Variants in GPHN observed in about 807,000 individuals in gnomAD.
GPHN encodes gephyrin.
Under a neutral mutation model 95.5 loss-of-function variants are expected in GPHN, and 17 were observed. That is an observed-to-expected ratio of 0.18 (90% CI 0.12 to 0.27). GPHN has a LOEUF of 0.27. GPHN is among the 10% of genes least tolerant of loss of function. GPHN has a pLI of 1.00. For synonymous variants in GPHN, 320 were observed against 322.5 expected (o/e 0.99, Z 0.08); for missense variants, 660 against 978.1 (o/e 0.67, Z 4.34).
intron 4 of GPHN, among the ~76,000 whole-genome samples, chr14:66,871,960 C>T (rs1950689): frequency 0.31 from 47,667 of 151,886 alleles, 11,626 homozygotes; most frequent in African/African-American, 0.66. Context: ...AATTTAAATA[C>T]GTAAAAAAAG....
At chr14:67,006,379 T>G in intron 9 of GPHN, among the ~76,000 whole-genome samples, 1 of 152,158 alleles carries the variant, frequency 6.6e-6, no homozygotes, top group East Asian at 1.9e-4. Context: ...CCTGGAGTCA[T>G]GAAAACCCAG....
At chr14:66,837,614 AAAATAAATAAAT>A (rs202145300) in intron 4 of GPHN, among the ~76,000 whole-genome samples, 1,683 of 144,492 alleles carry the variant, frequency 0.012, 15 homozygotes, top group Non-Finnish European at 0.016. Flanking sequence ...TAAATAAATA[AAAATAAATAAAT>A]AAATAAATAA....
At chr14:66,597,085 T>C (rs1243582085) in intron 1 of GPHN, among the ~76,000 whole-genome samples, 1 of 152,184 alleles carries the variant, frequency 6.6e-6, no homozygotes, top group Non-Finnish European at 1.5e-5. Flanking sequence ...AGTTATGTCT[T>C]CTTAGAGGCC....
chr14:66,653,669 T>G (rs2065165043), intron 1 of GPHN, among the ~76,000 whole-genome samples: 1 of 152,222 alleles, frequency 6.6e-6, no homozygotes, highest in Non-Finnish European at 1.5e-5. Flanking sequence ...GAAACTTATA[T>G]AAGTGGAATC....
intron 17 of GPHN, among the ~76,000 whole-genome samples, chr14:67,137,001 A>G (rs1203338493): frequency 1.3e-5 from 2 of 152,106 alleles, no homozygotes; most frequent in East Asian, 3.9e-4. Flanking sequence ...TACTAAAAAT[A>G]CAAAAAATTG....
chr14:67,396,944 C>CT, the GPHN span, among the ~76,000 whole-genome samples: 34,424 of 139,748 alleles, frequency 0.25, 4,230 homozygotes, highest in African/African-American at 0.52. Flanking sequence ...TATTGGGAGA[C>CT]TTTTTTTTTT....
the GPHN span, among the ~76,000 whole-genome samples, chr14:67,493,613 T>A: frequency 5.3e-5 from 8 of 152,308 alleles, no homozygotes; most frequent in East Asian, 3.9e-4. Context: ...GTCAGTGTGC[T>A]TTGGATGCTG....
the GPHN span, chr14:67,332,858 G>A: frequency 2.5e-6 from 4 of 1,614,088 alleles, no homozygotes; most frequent in East Asian, 2.2e-5. Context: ...TACGGCAATT[G>A]TGAATTCCGA....
chr14:67,646,725 G>A, the GPHN span: 1 of 1,612,286 alleles, frequency 6.2e-7, no homozygotes, highest in Admixed American at 1.7e-5. Context: ...GAGAGACGTG[G>A]ACCCTCCTGA....
chr14:67,323,451 C>T, the GPHN span, among the ~76,000 whole-genome samples: 1 of 151,380 alleles, frequency 6.6e-6, no homozygotes. Context: ...CCTGTCTCTA[C>T]AAAAAAGTAA....
intron 9 of GPHN, among the ~76,000 whole-genome samples, chr14:66,968,581 A>G (rs1251616833): frequency 1.3e-5 from 2 of 152,146 alleles, no homozygotes; most frequent in Non-Finnish European, 1.5e-5. Flanking sequence ...GATCGGTACT[A>G]GAAAGAGCAC....
At chr14:67,689,631 A>G in the GPHN span, among the ~76,000 whole-genome samples, 2 of 152,162 alleles carry the variant, frequency 1.3e-5, no homozygotes, top group Admixed American at 6.6e-5. Context: ...CCATTTACAT[A>G]TGAAGAAGGA....
intron 8 of GPHN, among the ~76,000 whole-genome samples, chr14:66,952,712 T>G (rs1300920413): frequency 6.6e-6 from 1 of 152,184 alleles, no homozygotes; most frequent in African/African-American, 2.4e-5. Flanking sequence ...TTTTTGCTTT[T>G]GAGACAGAGT....
the GPHN span, among the ~76,000 whole-genome samples, chr14:67,609,334 G>A: frequency 4.9e-3 from 742 of 152,246 alleles, 36 homozygotes; most frequent in East Asian, 0.082. Flanking sequence ...AGATGAAGAG[G>A]TACATGGAAG....
At chr14:67,319,468 G>A in the GPHN span, among the ~76,000 whole-genome samples, 1 of 152,192 alleles carries the variant, frequency 6.6e-6, no homozygotes, top group Non-Finnish European at 1.5e-5. Flanking sequence ...AGAAAGTGGA[G>A]ATAGCATGCA....
the GPHN span, chr14:67,383,166 A>G: frequency 1.3e-6 from 1 of 789,464 alleles, no homozygotes; most frequent in Non-Finnish European, 1.9e-6. Flanking sequence ...AATGGAATTT[A>G]TTGCTGATAA....
At chr14:66,677,115 G>A (rs2066647928) in intron 1 of GPHN, among the ~76,000 whole-genome samples, 1 of 151,954 alleles carries the variant, frequency 6.6e-6, no homozygotes, top group Non-Finnish European at 1.5e-5. Flanking sequence ...TTGTATTTCT[G>A]TTGTATCAGT....
chr14:67,581,083 ACTGG>A, the GPHN span: 3 of 1,236,116 alleles, frequency 2.4e-6, no homozygotes, highest in Non-Finnish European at 3.6e-6. Context: ...AAGGGCTGCC[ACTGG>A]GTGCCAGCTC....
At chr14:66,797,514 A>G (rs1377686092) in intron 3 of GPHN, among the ~76,000 whole-genome samples, 1 of 151,852 alleles carries the variant, frequency 6.6e-6, no homozygotes, top group Non-Finnish European at 1.5e-5. Context: ...AGTGTATCAT[A>G]GTTTTCATTA....
Sources: gnomAD v4.1 joint callset for allele counts (sites outside exome capture counted in the v4.1 genomes callset) on GRCh38, gnomAD v4.1.1 for gene constraint, MANE v1.5 for transcripts, NCBI Gene and HGNC (gene_info 2026-07-23, HGNC 2026-07-21) for gene names.